DDX4: variants seen among roughly 807,000 people sequenced by gnomAD.
DDX4 encodes the protein probable ATP-dependent RNA helicase DDX4.
In DDX4, 25 loss-of-function variants were observed where a neutral mutation model predicts 100.0. The ratio of observed to expected loss-of-function variants is 0.25; its 90% CI spans 0.18 to 0.35. DDX4 has a LOEUF of 0.35. Among genes scored for constraint, DDX4 ranks in the 10% least tolerant of loss-of-function variants. The pLI is 1.00. For missense variants in DDX4, 635 were observed against 882.4 expected (o/e 0.72, Z 3.55); for synonymous variants, 259 against 275.7 (o/e 0.94, Z 0.60).
intron 18 of DDX4, among the ~76,000 whole-genome samples, chr5:55,804,931 G>A (rs1043922856): frequency 1.1e-4 from 17 of 151,380 alleles, no homozygotes; most frequent in African/African-American, 2.2e-4. Flanking sequence ...CCATTTTCAC[G>A]ATATTGATTC....
chr5:55,797,733 A>T (rs921879931), intron 17 of DDX4, among the ~76,000 whole-genome samples: 5 of 152,192 alleles, frequency 3.3e-5, no homozygotes, highest in Non-Finnish European at 4.4e-5. Context: ...TTTCTATGTG[A>T]TCTAAAGCAA....
intron 17 of DDX4, among the ~76,000 whole-genome samples, chr5:55,798,164 C>A (rs918703147): frequency 6.6e-6 from 1 of 151,924 alleles, no homozygotes; most frequent in Non-Finnish European, 1.5e-5. Context: ...TATAGTTTTG[C>A]GTGGATAGCA....
At chr5:55,780,996 TTC>T in intron 8 of DDX4, 68 bp from the exon 9 acceptor site, 2 of 1,389,960 alleles carry the variant, frequency 1.4e-6, no homozygotes, top group Non-Finnish European at 2.0e-6. Context: ...CTTGATTTTT[TTC>T]TGTTTACTGA....
At chr5:55,809,085 G>A (rs576843917) in intron 18 of DDX4, among the ~76,000 whole-genome samples, 131 of 152,318 alleles carry the variant, frequency 8.6e-4, no homozygotes, top group Non-Finnish European at 1.5e-3. Context: ...AGCAATGAGC[G>A]AGGCTCCATG....
Position 55,766,914 on chromosome 5 carries a change from A to G in DDX4, c.335-967A>G, listed in dbSNP as rs984012081. 3.3e-6 allele frequency: 5 copies of G among 1,517,218 alleles called. No homozygotes were observed. In the Admixed American group the frequency reaches 6.1e-5, roughly 18 times the overall value. 94.0% of individuals were successfully genotyped at this position (1,517,218 alleles called of 1,614,324 possible). On this transcript the variant is annotated intron_variant, in intron 6 of 21. Transcript: ENST00000505374. ...ATTTCGAAAAATCATTCCTTTCAGA[A>G]TAAACATTTCTGGGAATGGGGTCTA...
intron 2 of DDX4, among the ~76,000 whole-genome samples, chr5:55,742,437 C>G (rs1291586086): frequency 6.6e-6 from 1 of 152,038 alleles, no homozygotes; most frequent in East Asian, 1.9e-4. Flanking sequence ...ATTAGACCAT[C>G]CACAATTATA....
chr5:55,786,658 G>A lies in DDX4; in HGVS notation c.1005G>A (p.Gly335=). ...ATTTGATGGCTTGCGCTCAAACAGGGTCTGGGAAGACTGTAAGTCTTTCCC... is the reference window on the plus strand; with the variant it reads ...ATTTGATGGCTTGCGCTCAAACAGGATCTGGGAAGACTGTAAGTCTTTCCC... The part of the protein sequence containing the change: ...GRDLMACAQT[G]SGKTAAFLLP... Residue 335 remains glycine (G), a synonymous_variant, in exon 14 of 22, where the codon GGG becomes GGA. Coordinates refer to ENST00000505374, the MANE Select transcript of DDX4 (RefSeq NM_024415.3). 6.2e-7 allele frequency: 1 copy of A among 1,613,240 alleles called. No individual in the cohort carries two copies.
At chr5:55,796,202 G>T (rs1328627979) in intron 17 of DDX4, among the ~76,000 whole-genome samples, 1 of 152,188 alleles carries the variant, frequency 6.6e-6, no homozygotes, top group African/African-American at 2.4e-5. Flanking sequence ...TTGAGGGTGG[G>T]CCTTCTTCTC....
intron 6 of DDX4, among the ~76,000 whole-genome samples, chr5:55,766,014 T>C (rs1740904571): frequency 6.6e-6 from 1 of 150,852 alleles, no homozygotes; most frequent in Non-Finnish European, 1.5e-5. Context: ...AGACGGGGTT[T>C]CGTCACGTTG....
intron 3 of DDX4, among the ~76,000 whole-genome samples, chr5:55,754,125 C>G (rs1279722233): frequency 2.7e-5 from 4 of 148,244 alleles, no homozygotes; most frequent in African/African-American, 7.4e-5. Context: ...CAAACAGGGA[C>G]AATTTGACTT....
chr5:55,745,549 G>A (rs1166774193), intron 2 of DDX4, among the ~76,000 whole-genome samples: 1 of 151,970 alleles, frequency 6.6e-6, no homozygotes, highest in Admixed American at 6.6e-5. Context: ...AGCCTCCCGA[G>A]TAGCTGGGAC....
chr5:55,743,911 C>CT (rs35808138), intron 2 of DDX4, among the ~76,000 whole-genome samples: 10,481 of 113,324 alleles, frequency 0.092, 613 homozygotes, highest in African/African-American at 0.15. Flanking sequence ...TAAAACCAGC[C>CT]TTTTTTTTTT....
chr5:55,759,554 G>A (rs1266288104), intron 3 of DDX4, among the ~76,000 whole-genome samples: 1 of 152,080 alleles, frequency 6.6e-6, no homozygotes, highest in Non-Finnish European at 1.5e-5. Flanking sequence ...ACTCTCCATT[G>A]TTGAAGAATG....
intron 1 of DDX4, 97 bp from the exon 2 acceptor site, chr5:55,738,853 G>C: frequency 2.6e-6 from 2 of 782,346 alleles, no homozygotes; most frequent in East Asian, 2.5e-5. Flanking sequence ...TAGTTGGGTA[G>C]TTTCAAGATG....
chr5:55,811,492 A>G (rs1216675130), intron 18 of DDX4, among the ~76,000 whole-genome samples: 1 of 152,180 alleles, frequency 6.6e-6, no homozygotes, highest in Non-Finnish European at 1.5e-5. Context: ...GGTAAATATC[A>G]AAACACACAA....
chr5:55,804,578 G>C (rs921160709), intron 18 of DDX4, among the ~76,000 whole-genome samples: 9 of 152,098 alleles, frequency 5.9e-5, no homozygotes, highest in African/African-American at 1.9e-4. Context: ...ATTAAATAGG[G>C]AATCCTTTCC....
intron 10 of DDX4, among the ~76,000 whole-genome samples, chr5:55,784,576 C>T (rs1742130589): frequency 6.6e-6 from 1 of 152,204 alleles, no homozygotes; most frequent in Non-Finnish European, 1.5e-5. Flanking sequence ...TCCCACCATC[C>T]TGATTGGTAA....
At chr5:55,774,148 ATT>A (rs540763890) in intron 7 of DDX4, among the ~76,000 whole-genome samples, 8 of 144,562 alleles carry the variant, frequency 5.5e-5, no homozygotes, top group African/African-American at 1.8e-4. Context: ...AATTTATCTA[ATT>A]TTTTTTTTTT....
At chr5:55,767,037 A>G (rs746657230) in intron 6 of DDX4, 15 of 1,476,738 alleles carry the variant, frequency 1.0e-5, no homozygotes, top group Non-Finnish European at 1.3e-5. Context: ...AATGTTACTT[A>G]CTAATATCAA....
Sources: allele counts gnomAD v4.1 joint callset (sites outside exome capture counted in the v4.1 genomes callset), GRCh38; gene constraint gnomAD v4.1.1; transcripts MANE v1.5; gene names NCBI Gene and HGNC (gene_info 2026-07-23, HGNC 2026-07-21).